The following LRRTM4 variants were observed in gnomAD, a reference collection of about 807,000 sequenced individuals.
LRRTM4 encodes leucine rich repeat transmembrane neuronal 4.
Under a neutral mutation model 47.6 loss-of-function variants are expected in LRRTM4, and 25 were observed. The observed-to-expected ratio is 0.53, with a 90% CI of 0.38 to 0.73. The LOEUF is 0.73. Among genes scored for constraint, LRRTM4 ranks in the 30% least tolerant of loss-of-function variants. The probability of loss-of-function intolerance (pLI) is 0.00; values close to 1 mark genes in which losing one functional copy is unlikely to be tolerated. For synonymous variants in LRRTM4, 311 were observed against 269.5 expected (o/e 1.15, Z -1.51); for missense variants, 638 against 713.4 (o/e 0.89, Z 1.20).
chr2:77,303,446 A>G (rs1256743478), intron 3 of LRRTM4, among the ~76,000 whole-genome samples: 1 of 152,200 alleles, frequency 6.6e-6, no homozygotes, highest in African/African-American at 2.4e-5. Flanking sequence ...TTCTTTTGAT[A>G]GGGAAGAAGG....
chr2:76,780,460 C>A (rs761266705), intron 3 of LRRTM4, among the ~76,000 whole-genome samples: 20 of 152,130 alleles, frequency 1.3e-4, no homozygotes, highest in Non-Finnish European at 2.5e-4. Context: ...TTGCTCATTT[C>A]TTTTTATTCT....
At position 77,159,920 on chromosome 2, in the gene LRRTM4, A is replaced by G. The variant is rs569026770; in HGVS notation, c.1551+358398T>C. Among the ~76,000 whole-genome samples, 91 of 152,330 alleles carry G rather than the reference A, an allele frequency of 6.0e-4. No homozygotes were observed. The South Asian group carries it at 0.018, about 30-fold the overall frequency. ...CATCTGATTGTGACAGAATCAATCT[A>G]ACACAATTCAGATTGTGTAATGTCA... is the stretch of plus-strand genomic sequence containing the variant. On this transcript the variant is annotated intron_variant, in intron 3 of 3. Transcript: ENST00000409884.
At chr2:76,790,563 A>G (rs933053090) in intron 3 of LRRTM4, among the ~76,000 whole-genome samples, 1 of 152,316 alleles carries the variant, frequency 6.6e-6, no homozygotes, top group South Asian at 2.1e-4. Context: ...GTAAAATCCT[A>G]ATAGTGTTTG....
chr2:76,892,780 A>T (rs539360718), intron 3 of LRRTM4, among the ~76,000 whole-genome samples: 1 of 151,828 alleles, frequency 6.6e-6, no homozygotes, highest in East Asian at 1.9e-4. Flanking sequence ...CAAAAGGGAA[A>T]TGAAGTATGT....
chr2:76,987,411 G>A (rs1449147253), intron 3 of LRRTM4: 3 of 151,872 alleles, frequency 2.0e-5, no homozygotes, highest in Non-Finnish European at 4.4e-5. Flanking sequence ...ATTAGGTGAT[G>A]TCTAGAGCAG....
At chr2:77,173,024 G>C (rs1225935977) in intron 3 of LRRTM4, among the ~76,000 whole-genome samples, 1 of 152,200 alleles carries the variant, frequency 6.6e-6, no homozygotes, top group African/African-American at 2.4e-5. Flanking sequence ...TAAAGCAAGG[G>C]ATGCAATAAT....
intron 3 of LRRTM4, among the ~76,000 whole-genome samples, chr2:77,251,427 G>A (rs1432667322): frequency 6.6e-6 from 1 of 151,782 alleles, no homozygotes; most frequent in Non-Finnish European, 1.5e-5. Flanking sequence ...GTCACTACAT[G>A]GGAATGGAAT....
Position 77,467,504 on chromosome 2 carries a change from T to C in LRRTM4, c.1551+50814A>G, listed in dbSNP as rs1201568526. ...ACTTCAGATGGCCCAATAGTACACA[T>C]ACTCACTTACACATTTATGAGTGCA... is the stretch of plus-strand genomic sequence containing the variant. On this transcript the variant is annotated intron_variant, in intron 3 of 3. Coordinates refer to ENST00000409884, the MANE Select transcript of LRRTM4 (RefSeq NM_001134745.3). 3.3e-5 allele frequency among the ~76,000 whole-genome samples: 5 copies of C among 152,176 alleles called. No individual in the cohort carries two copies. In the East Asian group the frequency reaches 9.6e-4, roughly 29 times the overall value.
intron 3 of LRRTM4, among the ~76,000 whole-genome samples, chr2:77,231,980 C>CA (rs771982478): frequency 3.1e-4 from 47 of 152,134 alleles, no homozygotes; most frequent in Non-Finnish European, 5.7e-4. Flanking sequence ...TGCTTTTCTT[C>CA]AAATTATTCC....
At chr2:77,352,885 T>C (rs1045444081) in intron 3 of LRRTM4, among the ~76,000 whole-genome samples, 2 of 152,158 alleles carry the variant, frequency 1.3e-5, no homozygotes, top group African/African-American at 4.8e-5. Context: ...TAATTGGTAA[T>C]ATTAAACAAA....
At chr2:77,172,076 T>A (rs1170568147) in intron 3 of LRRTM4, among the ~76,000 whole-genome samples, 3 of 152,232 alleles carry the variant, frequency 2.0e-5, no homozygotes, top group Non-Finnish European at 4.4e-5. Context: ...TGCCTGCAAC[T>A]TCCTTACAAT....
chr2:76,983,954 T>C (rs1676703418), intron 3 of LRRTM4, among the ~76,000 whole-genome samples: 1 of 152,116 alleles, frequency 6.6e-6, no homozygotes, highest in African/African-American at 2.4e-5. Context: ...AATTGGATTA[T>C]CAAAAATTTA....
At chr2:77,340,302 C>A (rs1445655214) in intron 3 of LRRTM4, among the ~76,000 whole-genome samples, 1 of 151,636 alleles carries the variant, frequency 6.6e-6, no homozygotes, top group Non-Finnish European at 1.5e-5. Context: ...GTTCACAGAT[C>A]TTGGGGGTAA....
intron 3 of LRRTM4, among the ~76,000 whole-genome samples, chr2:77,440,220 C>G (rs1261318165): frequency 1.3e-5 from 2 of 152,120 alleles, no homozygotes; most frequent in Non-Finnish European, 2.9e-5. Flanking sequence ...CGAGACCATC[C>G]TGGCTAACAC....
intron 3 of LRRTM4, among the ~76,000 whole-genome samples, chr2:76,852,323 T>C (rs1258471109): frequency 6.6e-6 from 1 of 152,168 alleles, no homozygotes; most frequent in African/African-American, 2.4e-5. Context: ...CGTACCATCC[T>C]TGAAGCCATC....
intron 3 of LRRTM4, among the ~76,000 whole-genome samples, chr2:76,868,793 A>G (rs537817634): frequency 1.6e-4 from 25 of 152,276 alleles, no homozygotes; most frequent in African/African-American, 5.8e-4. Context: ...CATGAAGTCG[A>G]TCTGTGATTA....
intron 3 of LRRTM4, among the ~76,000 whole-genome samples, chr2:77,404,785 A>C (rs1043036636): frequency 6.6e-6 from 1 of 152,138 alleles, no homozygotes; most frequent in Non-Finnish European, 1.5e-5. Flanking sequence ...ACATTATTTG[A>C]TCCGCCTATA....
chr2:77,246,540 C>T (rs1345557343), intron 3 of LRRTM4, among the ~76,000 whole-genome samples: 1 of 151,900 alleles, frequency 6.6e-6, no homozygotes, highest in Non-Finnish European at 1.5e-5. Context: ...GCTCAATAGC[C>T]ACATGGGTTT....
intron 3 of LRRTM4, among the ~76,000 whole-genome samples, chr2:77,120,723 A>T (rs1671501624): frequency 6.6e-6 from 1 of 151,830 alleles, no homozygotes; most frequent in Admixed American, 6.6e-5. Context: ...TATAAAGGAC[A>T]ATATTTATCT....
Sources: allele counts gnomAD v4.1 joint callset (sites outside exome capture counted in the v4.1 genomes callset), GRCh38; gene constraint gnomAD v4.1.1; transcripts MANE v1.5; gene names NCBI Gene and HGNC (gene_info 2026-07-23, HGNC 2026-07-21).